Variants in ATP9B observed in about 807,000 individuals in gnomAD.
ATP9B encodes the protein probable phospholipid-transporting ATPase IIB.
Under a neutral mutation model 146.1 loss-of-function variants are expected in ATP9B, and 110 were observed. The ratio of observed to expected loss-of-function variants is 0.75; its 90% confidence interval spans 0.65 to 0.88. The LOEUF is 0.88. Ranked by LOEUF, ATP9B falls within the 40% of genes least tolerant of loss-of-function variation. ATP9B has a pLI of 0.00. For missense variants in ATP9B, 1,499 were observed against 1,496.4 expected (o/e 1.00, Z -0.03); for synonymous variants, 604 against 569.7 (o/e 1.06, Z -0.86).
intron 9 of ATP9B, among the ~76,000 whole-genome samples, chr18:79,201,057 G>T (rs1372892247): frequency 6.6e-6 from 1 of 152,166 alleles, no homozygotes; most frequent in Non-Finnish European, 1.5e-5. Flanking sequence ...ACCACTTGTG[G>T]GAGGCTGTGC....
intron 7 of ATP9B, among the ~76,000 whole-genome samples, chr18:79,155,793 C>T (rs538823671): frequency 2.5e-5 from 3 of 121,218 alleles, no homozygotes; most frequent in African/African-American, 6.2e-5. Context: ...GATGGAGTCT[C>T]GCTCTGTCGC....
chr18:79,307,945 T>C (rs1438230670), intron 15 of ATP9B, among the ~76,000 whole-genome samples: 1 of 152,174 alleles, frequency 6.6e-6, no homozygotes, highest in Admixed American at 6.5e-5. Context: ...TTCCGATACT[T>C]TGTAAAACTG....
chr18:79,341,069 A>G (rs530405542), intron 19 of ATP9B, among the ~76,000 whole-genome samples: 1 of 152,374 alleles, frequency 6.6e-6, no homozygotes, highest in East Asian at 1.9e-4. Context: ...CTGTATCTAC[A>G]CATCACTGTG....
At chr18:79,147,243 CAGTTACA>C (rs146901655) in intron 6 of ATP9B, among the ~76,000 whole-genome samples, 31,711 of 152,002 alleles carry the variant, frequency 0.21, 3,645 homozygotes, top group East Asian at 0.5. Context: ...TAGGCAAGTC[CAGTTACA>C]AGTGGTTACT....
At chr18:79,164,894 T>C (rs1332426629) in intron 7 of ATP9B, among the ~76,000 whole-genome samples, 1 of 152,116 alleles carries the variant, frequency 6.6e-6, no homozygotes, top group African/African-American at 2.4e-5. Flanking sequence ...GAAATACTTT[T>C]AGGAGGTTCA....
Position 79,319,123 on chromosome 18 carries a change from G to C in ATP9B, c.1774-10018G>C, listed in dbSNP as rs1299474827. Among the ~76,000 whole-genome samples, 5 of 152,186 alleles carry C rather than the reference G, an allele frequency of 3.3e-5. No homozygotes were observed. The East Asian group carries it at 9.6e-4, about 29-fold the overall frequency. Reference sequence around the variant, plus strand: ...CACTGGAGGGTCTTGGATGTTCTGGGACCTGCAGTGGAAGGAAGCAAGAAA... The same window carrying C: ...CACTGGAGGGTCTTGGATGTTCTGGCACCTGCAGTGGAAGGAAGCAAGAAA... On this transcript the variant is annotated intron_variant, in intron 15 of 29. Transcript: ENST00000426216.
intron 13 of ATP9B, among the ~76,000 whole-genome samples, chr18:79,280,007 A>G (rs554180362): frequency 6.6e-6 from 1 of 152,342 alleles, no homozygotes; most frequent in East Asian, 1.9e-4. Context: ...GCACATCTAC[A>G]CCAGAAGACA....
At chr18:79,125,120 G>C (rs554355172) in intron 4 of ATP9B, among the ~76,000 whole-genome samples, 1 of 152,336 alleles carries the variant, frequency 6.6e-6, no homozygotes, top group East Asian at 1.9e-4. Context: ...ATTGTGGCAA[G>C]TGGAGAAGTA....
intron 8 of ATP9B, among the ~76,000 whole-genome samples, chr18:79,178,440 T>C (rs1276084033): frequency 6.6e-6 from 1 of 152,174 alleles, no homozygotes; most frequent in African/African-American, 2.4e-5. Context: ...TCCTCTTTGG[T>C]GATGTGTCCT....
chr18:79,113,107 T>C, intron 3 of ATP9B, 134 bp from the exon 4 acceptor site: 1 of 532,490 alleles, frequency 1.9e-6, no homozygotes. Context: ...TTAATACATT[T>C]ACTTTGAATC....
At chr18:79,223,921 C>T (rs935397717) in intron 11 of ATP9B, among the ~76,000 whole-genome samples, 2 of 152,234 alleles carry the variant, frequency 1.3e-5, no homozygotes, top group Admixed American at 6.5e-5. Flanking sequence ...CCCTAAATTC[C>T]TTTTAAATAT....
At chr18:79,217,055 G>C (rs902141532) in intron 11 of ATP9B, among the ~76,000 whole-genome samples, 9 of 152,236 alleles carry the variant, frequency 5.9e-5, no homozygotes, top group Middle Eastern at 3.2e-3. Context: ...AGAAGAGTGC[G>C]TTCCCGACTG....
At chr18:79,304,577 G>A (rs927745426) in intron 14 of ATP9B, among the ~76,000 whole-genome samples, 1 of 152,108 alleles carries the variant, frequency 6.6e-6, no homozygotes, top group Non-Finnish European at 1.5e-5. Flanking sequence ...TTTAAAACAG[G>A]ATTTAGCCTA....
chr18:79,130,975 A>G (rs1255185837), intron 5 of ATP9B, among the ~76,000 whole-genome samples: 1 of 152,196 alleles, frequency 6.6e-6, no homozygotes, highest in Admixed American at 6.5e-5. Flanking sequence ...AGCCTGGCCA[A>G]TGTGGTGAAA....
chr18:79,300,326 C>T (rs188516087), intron 13 of ATP9B, among the ~76,000 whole-genome samples: 4 of 152,208 alleles, frequency 2.6e-5, no homozygotes, highest in Admixed American at 1.3e-4. Context: ...TCAGGCATGT[C>T]ACCTGGGTGC....
At chr18:79,116,922 T>TAAAAA (rs781553384) in intron 4 of ATP9B, among the ~76,000 whole-genome samples, 1 of 59,826 alleles carries the variant, frequency 1.7e-5, no homozygotes, top group African/African-American at 5.0e-5. Flanking sequence ...TAGAGTATAA[T>TAAAAA]AAAAAAAAAA....
At chr18:79,267,164 A>G (rs1016356126) in intron 12 of ATP9B, among the ~76,000 whole-genome samples, 2 of 152,076 alleles carry the variant, frequency 1.3e-5, no homozygotes, top group African/African-American at 4.8e-5. Flanking sequence ...ATAGTTTTCA[A>G]TTCGTAATCA....
In ATP9B at chr18:79,111,897, AG is replaced by A. The variant is rs147950145; in HGVS notation, c.445-1343del. 2.2e-3 allele frequency among the ~76,000 whole-genome samples: 329 copies of A among 152,278 alleles called. 1 individual carries two copies. The highest frequency in any genetic ancestry group is 7.5e-3 in the African/African-American group (313 of 41,560). On this transcript the variant is annotated intron_variant, in intron 3 of 29. Transcript: ENST00000426216. The stretch of plus-strand genomic sequence containing the variant: ...AAACATTTGGTAATTACCCAGTAGG[AG>A]TTCTATGTCATTTTTACCACGAATG...
chr18:79,073,154 C>T (rs1009834198), intron 1 of ATP9B, among the ~76,000 whole-genome samples: 10 of 151,042 alleles, frequency 6.6e-5, no homozygotes, highest in South Asian at 2.1e-4. Context: ...ACTGGGAGGC[C>T]GGGCAGACGG....
Sources: allele counts gnomAD v4.1 joint callset (sites outside exome capture counted in the v4.1 genomes callset), GRCh38; gene constraint gnomAD v4.1.1; transcripts MANE v1.5; gene names NCBI Gene and HGNC (gene_info 2026-07-23, HGNC 2026-07-21).